Variants in SLC10A7 observed in about 807,000 individuals in gnomAD.
SLC10A7 encodes sodium/bile acid cotransporter 7.
Under a neutral mutation model 43.2 loss-of-function variants are expected in SLC10A7, and 29 were observed. That is an observed-to-expected ratio of 0.67 (90% CI 0.50 to 0.92). The LOEUF is 0.92. Ranked by LOEUF, SLC10A7 falls within the 40% of genes least tolerant of loss-of-function variation. The pLI, the probability that SLC10A7 is intolerant of heterozygous loss-of-function variation, is 0.00. For synonymous variants in SLC10A7, 152 were observed against 144.8 expected (o/e 1.05, Z -0.35); for missense variants, 295 against 403.2 (o/e 0.73, Z 2.30).
chr4:146,509,210 T>C (rs1252130248), intron 3 of SLC10A7, among the ~76,000 whole-genome samples: 3 of 152,180 alleles, frequency 2.0e-5, no homozygotes, highest in Non-Finnish European at 4.4e-5. Context: ...CTCCCCAACA[T>C]GCAAAACTAA....
intron 10 of SLC10A7, among the ~76,000 whole-genome samples, chr4:146,259,286 A>T (rs371569179): frequency 1.2e-4 from 19 of 152,374 alleles, no homozygotes; most frequent in African/African-American, 4.6e-4. Flanking sequence ...GAGTAAAAAA[A>T]TACGGTAAGA....
At position 146,453,995 on chromosome 4, in the gene SLC10A7, A is replaced by T. The variant is rs531250237; in HGVS notation, c.397-11174T>A. On this transcript the variant is annotated intron_variant, in intron 4 of 11. Coordinates refer to ENST00000335472, the MANE Select transcript of SLC10A7 (RefSeq NM_001029998.6). ...CTCTTTGGTATGCTTTTTTGATGAA[A>T]TGTCATGTACTTAAAATAGTGATGA... is the stretch of plus-strand genomic sequence containing the variant. 4.6e-5 allele frequency among the ~76,000 whole-genome samples: 7 copies of T among 152,030 alleles called. No individual in the cohort carries two copies. In the South Asian group the frequency reaches 1.5e-3, roughly 32 times the overall value.
At chr4:146,509,660 C>T (rs1737268030) in intron 3 of SLC10A7, among the ~76,000 whole-genome samples, 1 of 152,168 alleles carries the variant, frequency 6.6e-6, no homozygotes, top group South Asian at 2.1e-4. Flanking sequence ...TCCAAGACCA[C>T]TCTAAAATTC....
chr4:146,520,369 G>T (rs1157593793), intron 1 of SLC10A7, among the ~76,000 whole-genome samples: 1 of 152,192 alleles, frequency 6.6e-6, no homozygotes, highest in African/African-American at 2.4e-5. Context: ...CAATCAGAGG[G>T]AGAAACCACC....
chr4:146,358,583 C>T (rs911170788), intron 5 of SLC10A7, among the ~76,000 whole-genome samples: 16 of 152,062 alleles, frequency 1.1e-4, no homozygotes, highest in African/African-American at 3.4e-4. Context: ...GTTAATTTTT[C>T]TTATTTGAGT....
chr4:146,320,207 G>C (rs1241393875), intron 6 of SLC10A7, among the ~76,000 whole-genome samples: 1 of 152,088 alleles, frequency 6.6e-6, no homozygotes, highest in Non-Finnish European at 1.5e-5. Flanking sequence ...ATGGTAGTAT[G>C]TTTGCTCCAG....
chr4:146,430,880 C>T (rs927747990), intron 5 of SLC10A7, among the ~76,000 whole-genome samples: 18 of 152,114 alleles, frequency 1.2e-4, no homozygotes, highest in East Asian at 1.9e-4. Context: ...CAGTGCAGCT[C>T]GTTCAATTAC....
intron 5 of SLC10A7, among the ~76,000 whole-genome samples, chr4:146,387,714 T>C (rs1257755262): frequency 1.3e-5 from 2 of 152,220 alleles, no homozygotes; most frequent in Non-Finnish European, 2.9e-5. Flanking sequence ...CTAGCTTTGA[T>C]AAATGATTTC....
intron 5 of SLC10A7, among the ~76,000 whole-genome samples, chr4:146,438,549 A>G (rs1730369241): frequency 6.6e-6 from 1 of 152,014 alleles, no homozygotes; most frequent in African/African-American, 2.4e-5. Flanking sequence ...CATCATTATT[A>G]AAAACCCAGT....
chr4:146,351,048 C>T (rs1735055590), intron 5 of SLC10A7, among the ~76,000 whole-genome samples: 2 of 151,290 alleles, frequency 1.3e-5, no homozygotes, highest in South Asian at 4.2e-4. Context: ...TTTTGACGAG[C>T]TGAGAGAAGA....
chr4:146,384,442 T>A (rs1185302692), intron 5 of SLC10A7, among the ~76,000 whole-genome samples: 2 of 152,104 alleles, frequency 1.3e-5, no homozygotes, highest in Non-Finnish European at 2.9e-5. Flanking sequence ...GTAAAAAGAC[T>A]AATGGGAAAT....
At chr4:146,272,815 T>TTAA (rs199946311) in intron 10 of SLC10A7, among the ~76,000 whole-genome samples, 1 of 151,960 alleles carries the variant, frequency 6.6e-6, no homozygotes, top group Non-Finnish European at 1.5e-5. Flanking sequence ...TTTCTAAATA[T>TTAA]TAATAATAAT....
At chr4:146,340,540 G>C (rs1223785131) in intron 5 of SLC10A7, among the ~76,000 whole-genome samples, 1 of 149,364 alleles carries the variant, frequency 6.7e-6, no homozygotes, top group East Asian at 1.9e-4. Context: ...TATATGGAGA[G>C]AGAGAGAGAG....
At chr4:146,378,629 T>A (rs989056976) in intron 5 of SLC10A7, among the ~76,000 whole-genome samples, 6 of 152,218 alleles carry the variant, frequency 3.9e-5, no homozygotes, top group South Asian at 2.1e-4. Flanking sequence ...CATGTCTATT[T>A]TCTAGTCTAA....
intron 5 of SLC10A7, among the ~76,000 whole-genome samples, chr4:146,418,850 T>G (rs913860569): frequency 6.6e-6 from 1 of 152,230 alleles, no homozygotes; most frequent in Non-Finnish European, 1.5e-5. Context: ...AAGCTCCAGG[T>G]TGTGGCTTGT....
chr4:146,270,839 G>T (rs1202447987), intron 10 of SLC10A7, among the ~76,000 whole-genome samples: 1 of 152,188 alleles, frequency 6.6e-6, no homozygotes, highest in African/African-American at 2.4e-5. Context: ...CATTAATAAG[G>T]CAAATTAAGT....
intron 4 of SLC10A7, among the ~76,000 whole-genome samples, chr4:146,495,308 A>G (rs1735785654): frequency 6.6e-6 from 1 of 152,250 alleles, no homozygotes; most frequent in African/African-American, 2.4e-5. Context: ...AGTAATTGCT[A>G]AAGCGGAGAA....
intron 9 of SLC10A7, among the ~76,000 whole-genome samples, chr4:146,290,692 G>T (rs79287129): frequency 0.11 from 17,244 of 151,910 alleles, 1,338 homozygotes; most frequent in East Asian, 0.26. Flanking sequence ...AGAGCTTGTC[G>T]CTACAAAAAA....
intron 5 of SLC10A7, among the ~76,000 whole-genome samples, chr4:146,382,358 T>C (rs182401199): frequency 1.2e-4 from 18 of 152,286 alleles, no homozygotes; most frequent in African/African-American, 3.6e-4. Context: ...ATTTACACTG[T>C]CACAGCACTA....
Sources: gnomAD v4.1 joint callset for allele counts (sites outside exome capture counted in the v4.1 genomes callset) on GRCh38, gnomAD v4.1.1 for gene constraint, MANE v1.5 for transcripts, NCBI Gene and HGNC (gene_info 2026-07-23, HGNC 2026-07-21) for gene names.